Variants in TMEM131L observed in about 807,000 individuals in gnomAD.
TMEM131L encodes transmembrane protein 131-like.
TMEM131L carries 54 observed loss-of-function variants against 192.2 expected under a neutral mutation model. The observed-to-expected ratio is 0.28, with a 90% CI of 0.23 to 0.35. TMEM131L has a LOEUF of 0.35. TMEM131L is among the 10% of genes least tolerant of loss of function. The pLI, the probability that TMEM131L is intolerant of heterozygous loss-of-function variation, is 1.00. For synonymous variants in TMEM131L, 701 were observed against 704.9 expected (o/e 0.99, Z 0.09); for missense variants, 1,888 against 1,972.9 (o/e 0.96, Z 0.82).
chr4:153,495,899 A>G (rs1733141564), intron 3 of TMEM131L, among the ~76,000 whole-genome samples: 1 of 152,138 alleles, frequency 6.6e-6, no homozygotes, highest in Non-Finnish European at 1.5e-5. Flanking sequence ...TTGGGTACCG[A>G]GATTTAGTTT....
intron 3 of TMEM131L, among the ~76,000 whole-genome samples, chr4:153,499,716 T>A (rs1733455297): frequency 6.6e-6 from 1 of 152,226 alleles, no homozygotes; most frequent in Admixed American, 6.5e-5. Context: ...TGAACCGCCG[T>A]GCCCAGCCCC....
chr4:153,513,044 A>G (rs989218994), intron 3 of TMEM131L, among the ~76,000 whole-genome samples: 3 of 151,812 alleles, frequency 2.0e-5, no homozygotes, highest in Admixed American at 6.6e-5. Flanking sequence ...TTCTTTTTTC[A>G]TCTGCTGGTT....
chr4:153,614,581 T>G (rs1045810873), intron 26 of TMEM131L, among the ~76,000 whole-genome samples: 4 of 152,200 alleles, frequency 2.6e-5, no homozygotes, highest in African/African-American at 9.6e-5. Flanking sequence ...GTGATCTTCC[T>G]GAATGAAGGT....
At chr4:153,585,119 A>G (rs1282336509) in intron 12 of TMEM131L, among the ~76,000 whole-genome samples, 188 bp downstream of exon 12, 1 of 152,234 alleles carries the variant, frequency 6.6e-6, no homozygotes, top group Non-Finnish European at 1.5e-5. Flanking sequence ...AAGGAAGTGA[A>G]ATAATTCAGT....
At chr4:153,472,669 T>G (rs1212995009) in intron 2 of TMEM131L, among the ~76,000 whole-genome samples, 2 of 152,122 alleles carry the variant, frequency 1.3e-5, no homozygotes, top group Non-Finnish European at 2.9e-5. Flanking sequence ...GTGGTGGCAA[T>G]GTGGGGTGGT....
intron 7 of TMEM131L, among the ~76,000 whole-genome samples, chr4:153,575,107 T>C (rs540341979): frequency 5.6e-4 from 86 of 152,330 alleles, no homozygotes; most frequent in Non-Finnish European, 8.8e-4. Flanking sequence ...TTCTCAAATA[T>C]ATTTATTTAT....
intron 34 of TMEM131L, among the ~76,000 whole-genome samples, chr4:153,635,811 C>T (rs1415062691): frequency 6.6e-6 from 1 of 152,168 alleles, no homozygotes; most frequent in Non-Finnish European, 1.5e-5. Context: ...TGAAAAACAT[C>T]CCCAAACACA....
intron 7 of TMEM131L, among the ~76,000 whole-genome samples, chr4:153,558,982 A>G (rs115256724): frequency 0.01 from 1,578 of 152,332 alleles, 22 homozygotes; most frequent in African/African-American, 0.036. Context: ...TTGTAACTGG[A>G]TAATTTTATA....
At chr4:153,636,235 G>A (rs75530973) in intron 34 of TMEM131L, 66 bp from the exon 35 acceptor site, 3 of 1,420,168 alleles carry the variant, frequency 2.1e-6, no homozygotes, top group South Asian at 1.3e-5. Context: ...TCGCTGATGT[G>A]TATTCACCTT....
chr4:153,590,120 T>G (rs1217597451), intron 16 of TMEM131L, among the ~76,000 whole-genome samples: 1 of 152,252 alleles, frequency 6.6e-6, no homozygotes, highest in Non-Finnish European at 1.5e-5. Flanking sequence ...TCTTTTCTTT[T>G]AACCCAGAAT....
At chr4:153,622,283 A>G (rs1412857753) in intron 28 of TMEM131L, among the ~76,000 whole-genome samples, 1 of 152,132 alleles carries the variant, frequency 6.6e-6, no homozygotes, top group Non-Finnish European at 1.5e-5. Flanking sequence ...CCCAGTGCTG[A>G]GTCCAGGGTC....
chr4:153,526,409 G>A (rs998393999), intron 3 of TMEM131L, among the ~76,000 whole-genome samples: 2 of 152,138 alleles, frequency 1.3e-5, no homozygotes, highest in African/African-American at 4.8e-5. Context: ...AGAGGATGCA[G>A]GGATGAAGGA....
At position 153,589,058 on chromosome 4, in the gene TMEM131L, C is replaced by G. The variant is rs1031344157; in HGVS notation, c.1670+51C>G. 6 of 953,488 alleles carry G rather than the reference C, an allele frequency of 6.3e-6. No individual in the cohort carries two copies. The African/African-American group carries it at 8.0e-5, about 13-fold the overall frequency. 59.1% of individuals were successfully genotyped at this position (953,488 alleles called of 1,614,324 possible). The stretch of plus-strand genomic sequence containing the variant: ...GTTCGGTGGTGGGGAGACACTGTTA[C>G]AGTAGTCCCTCCTTACCTGCGGGGA... On this transcript the variant is annotated intron_variant, in intron 16 of 34. Transcript: ENST00000409959.
rs555601777 is a variant in TMEM131L at position 153,582,919 on chromosome 4, C to T, written c.893-271C>T. On this transcript the variant is annotated intron_variant, in intron 9 of 34. Coordinates refer to ENST00000409959, the MANE Select transcript of TMEM131L (RefSeq NM_001131007.2). ...CAGAAGAGCATTGTGTGACCCTAAA[C>T]TCAGAATTTTGCTCCTGGTAGTTCC... is the stretch of plus-strand genomic sequence containing the variant. Among the ~76,000 whole-genome samples the T allele has an allele frequency of 6.6e-5, 10 of 151,990 alleles. No homozygotes were observed. In the South Asian group the frequency reaches 2.1e-3, roughly 32 times the overall value.
chr4:153,481,773 A>G (rs892294971), intron 3 of TMEM131L, among the ~76,000 whole-genome samples: 2 of 152,098 alleles, frequency 1.3e-5, no homozygotes, highest in African/African-American at 4.8e-5. Context: ...CCTGGGCTCA[A>G]GTGATCCACC....
chr4:153,616,776 A>T (rs1343408012), intron 26 of TMEM131L, among the ~76,000 whole-genome samples: 1 of 152,222 alleles, frequency 6.6e-6, no homozygotes, highest in African/African-American at 2.4e-5. Context: ...TTGCCATAAG[A>T]TTATAACTAA....
In TMEM131L at chr4:153,504,175, G is replaced by A. The variant is rs948487613; in HGVS notation, c.239+30287G>A. Among the ~76,000 whole-genome samples the A allele has an allele frequency of 3.3e-5, 5 of 150,084 alleles. No individual in the cohort carries two copies. In the Admixed American group the frequency reaches 3.3e-4, roughly 10 times the overall value. On this transcript the variant is annotated intron_variant, in intron 3 of 34. Transcript: ENST00000409959. ...AGTAGAGACGGGGTTTCACTGTGTT[G>A]GCCAGGATGTTCTCGATCTCCTGAC...
At chr4:153,617,333 CTT>C (rs1216373029) in intron 26 of TMEM131L, among the ~76,000 whole-genome samples, 1 of 152,210 alleles carries the variant, frequency 6.6e-6, no homozygotes, top group African/African-American at 2.4e-5. Flanking sequence ...TTAGGTATGT[CTT>C]TATCAGCAGC....
chr4:153,592,424 A>G, intron 17 of TMEM131L, 51 bp from the exon 18 acceptor site: 1 of 1,211,960 alleles, frequency 8.3e-7, no homozygotes, highest in Non-Finnish European at 1.2e-6. Flanking sequence ...ATATCTCAGG[A>G]GGGATGCTGT....
Sources: gnomAD v4.1 joint callset for allele counts (sites outside exome capture counted in the v4.1 genomes callset) on GRCh38, gnomAD v4.1.1 for gene constraint, MANE v1.5 for transcripts, NCBI Gene and HGNC (gene_info 2026-07-23, HGNC 2026-07-21) for gene names.